Variants in WARS2 observed in about 807,000 individuals in gnomAD.
The protein encoded by WARS2 is tryptophanyl tRNA synthetase 2, mitochondrial.
A neutral mutation model predicts 36.5 loss-of-function variants in WARS2; 28 were observed. The ratio of observed to expected loss-of-function variants is 0.77; its 90% CI spans 0.57 to 1.05. WARS2 has a LOEUF of 1.05. Ranked by LOEUF, WARS2 falls within the 50% of genes least tolerant of loss-of-function variation. The pLI, the probability that WARS2 is intolerant of heterozygous loss-of-function variation, is 0.00. For synonymous variants in WARS2, 174 were observed against 178.4 expected, an observed-to-expected ratio of 0.98 and a Z score of 0.20; for missense variants, 435 against 456.8, an observed-to-expected ratio of 0.95 and a Z score of 0.44.
intron 1 of WARS2, among the ~76,000 whole-genome samples, chr1:119,133,915 T>C (rs978262067): frequency 6.6e-6 from 1 of 152,126 alleles, no homozygotes; most frequent in African/African-American, 2.4e-5. Flanking sequence ...AGAGGAACTT[T>C]GTATATTGTA....
intron 1 of WARS2, among the ~76,000 whole-genome samples, chr1:119,133,662 C>T (rs1656262093): frequency 6.6e-6 from 1 of 152,158 alleles, no homozygotes; most frequent in East Asian, 1.9e-4. Flanking sequence ...CTATTATCAC[C>T]ACCACCTCCA....
intron 2 of WARS2, chr1:119,047,283 A>T (rs1383762690): frequency 2.0e-5 from 3 of 151,670 alleles, no homozygotes; most frequent in African/African-American, 7.3e-5. Context: ...GTAGGAGAGA[A>T]TTTTTTTTTT....
intron 1 of WARS2, among the ~76,000 whole-genome samples, chr1:119,135,765 G>T (rs1300096604): frequency 5.3e-5 from 8 of 151,622 alleles, no homozygotes; most frequent in Non-Finnish European, 7.4e-5. Flanking sequence ...GAGATAGAGA[G>T]AGAGAGAGAG....
In WARS2 at chr1:119,033,145, C is replaced by T. The variant is rs772131113; in HGVS notation, c.849G>A (p.Thr283=). Residue 283 remains threonine, a synonymous_variant, in exon 6 of 6, where the codon ACG becomes ACA. Transcript: ENST00000235521. The part of the protein sequence containing the change: ...SNIVAVHAAV[T]GLSVEEVVRR... ...GCACCACTTCCTCCACGGAGAGCCC[C>T]GTCACCGCGGCATGCACCGCCACTA... 2.5e-6 allele frequency: 4 copies of T among 1,614,166 alleles called. No individual in the cohort carries two copies. Among genetic ancestry groups the T allele is most frequent in the Non-Finnish European group, 1.7e-6 (2 of 1,180,058 alleles).
intron 1 of WARS2, among the ~76,000 whole-genome samples, chr1:119,078,835 CT>C (rs1462728873): frequency 6.6e-6 from 1 of 151,992 alleles, no homozygotes; most frequent in Non-Finnish European, 1.5e-5. Context: ...TATATAACTT[CT>C]GATAACAGAT....
intron 1 of WARS2, among the ~76,000 whole-genome samples, chr1:119,106,907 C>T (rs1654279315): frequency 6.6e-6 from 1 of 152,166 alleles, no homozygotes; most frequent in South Asian, 2.1e-4. Context: ...GGTGTCTGTA[C>T]TATTTTGCAT....
chr1:119,079,972 A>G (rs1652065468), intron 1 of WARS2, among the ~76,000 whole-genome samples: 1 of 151,856 alleles, frequency 6.6e-6, no homozygotes, highest in South Asian at 2.1e-4. Flanking sequence ...TTGAGAATTG[A>G]GAGAGAGAGA....
At chr1:119,085,469 T>G in intron 1 of WARS2, 1 of 1,526,210 alleles carries the variant, frequency 6.6e-7, no homozygotes, top group South Asian at 1.2e-5. Flanking sequence ...TTTTTCCTTT[T>G]TGTCTTTTTT....
At chr1:119,091,935 A>G (rs1435086743) in intron 1 of WARS2, among the ~76,000 whole-genome samples, 3 of 152,228 alleles carry the variant, frequency 2.0e-5, no homozygotes, top group South Asian at 4.1e-4. Context: ...AATGACACAG[A>G]AAACAGGCAG....
intron 1 of WARS2, among the ~76,000 whole-genome samples, chr1:119,077,615 T>C (rs1651846809): frequency 6.6e-6 from 1 of 152,140 alleles, no homozygotes; most frequent in Admixed American, 6.5e-5. Flanking sequence ...AATAAAATCA[T>C]ATTTGGGTTT....
At chr1:119,047,223 C>T (rs957346855) in intron 2 of WARS2, among the ~76,000 whole-genome samples, 4 of 152,312 alleles carry the variant, frequency 2.6e-5, no homozygotes, top group African/African-American at 9.6e-5. Context: ...AAGGAAAATA[C>T]ATTCCCATTA....
chr1:119,100,491 G>C (rs186842777), intron 1 of WARS2, among the ~76,000 whole-genome samples: 111 of 152,268 alleles, frequency 7.3e-4, no homozygotes, highest in Middle Eastern at 3.4e-3. Flanking sequence ...ATCTGCACTC[G>C]CATGTTTACT....
rs762307836 is a variant in WARS2, at chr1:119,121,158, CA to C, written c.90+19396del. 3.5e-3 allele frequency among the ~76,000 whole-genome samples: 531 copies of C among 152,110 alleles called. 1 individual carries two copies. Among genetic ancestry groups the C allele is most frequent in the Non-Finnish European group, 6.1e-3 (412 of 67,940 alleles). On this transcript the variant is annotated intron_variant, in intron 1 of 5. Coordinates refer to ENST00000235521, the MANE Select transcript of WARS2 (RefSeq NM_015836.4). ...TACCTAGAAAACCCAAAGATTCATC[CA>C]AAAAGGTCCTAGATCTAATAAATGA... is the stretch of plus-strand genomic sequence containing the variant.
intron 4 of WARS2, among the ~76,000 whole-genome samples, chr1:119,041,935 A>G (rs183679803): frequency 6.6e-6 from 1 of 152,206 alleles, no homozygotes; most frequent in Non-Finnish European, 1.5e-5. Flanking sequence ...AATCGGGACA[A>G]TAAGAGTGCA....
intron 1 of WARS2, among the ~76,000 whole-genome samples, chr1:119,124,768 T>C (rs1655543008): frequency 2.6e-5 from 4 of 152,096 alleles, no homozygotes; most frequent in African/African-American, 9.7e-5. Context: ...TCCCATGACT[T>C]CCCAGTTTAA....
chr1:119,076,645 C>G (rs1418004252), intron 1 of WARS2, 38 bp from the exon 2 acceptor site: 1 of 1,609,836 alleles, frequency 6.2e-7, no homozygotes, highest in South Asian at 1.1e-5. Context: ...GCTTTTGAGG[C>G]AGAATCCCAT....
chr1:119,138,631 T>G (rs1179159522), intron 1 of WARS2, among the ~76,000 whole-genome samples: 1 of 152,202 alleles, frequency 6.6e-6, no homozygotes, highest in Non-Finnish European at 1.5e-5. Flanking sequence ...TATATAAACA[T>G]AACATCGTAA....
At chr1:119,040,561 C>T (rs1648263802) in intron 4 of WARS2, among the ~76,000 whole-genome samples, 1 of 152,224 alleles carries the variant, frequency 6.6e-6, no homozygotes, top group Non-Finnish European at 1.5e-5. Context: ...ATCCTCCCGC[C>T]TCAGCCTTCC....
At chr1:119,107,580 CT>C (rs1180875980) in intron 1 of WARS2, among the ~76,000 whole-genome samples, 6 of 152,110 alleles carry the variant, frequency 3.9e-5, no homozygotes, top group Non-Finnish European at 7.4e-5. Flanking sequence ...ATACAGTCAA[CT>C]GATATAGTCT....
Sources: allele counts gnomAD v4.1 joint callset (sites outside exome capture counted in the v4.1 genomes callset), GRCh38; gene constraint gnomAD v4.1.1; transcripts MANE v1.5; gene names NCBI Gene and HGNC (gene_info 2026-07-23, HGNC 2026-07-21).